RPS7: variants seen among roughly 807,000 people sequenced by gnomAD.
The protein encoded by RPS7 is ribosomal protein S7.
Under a neutral mutation model 22.1 loss-of-function variants are expected in RPS7, and 1 was observed. The ratio of observed to expected loss-of-function variants is 0.05; its 90% CI spans 0.02 to 0.21. RPS7 has a LOEUF of 0.21. Ranked by LOEUF, RPS7 falls within the 10% of genes least tolerant of loss-of-function variation. The probability of loss-of-function intolerance (pLI) is 1.00; values close to 1 mark genes in which losing one functional copy is unlikely to be tolerated. For missense variants in RPS7, 137 were observed against 246.4 expected, an observed-to-expected ratio of 0.56 and a Z score of 2.97; for synonymous variants, 80 against 92.0, an observed-to-expected ratio of 0.87 and a Z score of 0.74.
intron 4 of RPS7, chr2:3,577,390 C>G (rs141167157): frequency 1.0e-3 from 333 of 328,516 alleles, no homozygotes; most frequent in African/African-American, 6.7e-3. Context: ...AAACTGAAGT[C>G]TATGGGGAAT....
intron 3 of RPS7, 81 bp downstream of exon 3, chr2:3,575,969 A>C: frequency 9.7e-7 from 1 of 1,033,196 alleles, no homozygotes; most frequent in Admixed American, 2.0e-5. Context: ...GACCTGGGTT[A>C]CGGTTGATGA....
intron 3 of RPS7, chr2:3,576,122 G>A (rs1661273122): frequency 1.6e-6 from 1 of 609,182 alleles, no homozygotes; most frequent in Non-Finnish European, 2.9e-6. Context: ...ACGTGGAGTA[G>A]GGAGGGCCTG....
chr2:3,580,005 G>T, intron 5 of RPS7, 105 bp from the exon 6 acceptor site: 1 of 1,054,488 alleles, frequency 9.5e-7, no homozygotes, highest in Non-Finnish European at 1.5e-6. Context: ...TTTGACTTCA[G>T]GAACCTGGGA....
chr2:3,579,396 T>G (rs1661351284), intron 5 of RPS7: 1 of 152,610 alleles, frequency 6.6e-6, no homozygotes, highest in Non-Finnish European at 1.5e-5. Flanking sequence ...AGATAGGAAA[T>G]CCAAATGAGT....
Position 3,576,501 on chromosome 2 carries a change from T to G in RPS7, c.162T>G (p.Gly54=). Residue 54 remains glycine, a synonymous_variant, in exon 4 of 7, where the codon GGT becomes GGG. Coordinates refer to ENST00000645674, the MANE Select transcript of RPS7 (RefSeq NM_001011.4). The part of the protein sequence containing the change: ...NITAAKEIEV[G]GGRKAIIIFV... ...TTTTTCTTTAGGAAATTGAAGTTGG[T>G]GGTGGTCGGAAAGCTATCATAATCT... 6.2e-7 allele frequency: 1 copy of G among 1,613,928 alleles called. No homozygotes were observed. Among genetic ancestry groups the G allele is most frequent in the Non-Finnish European group, 8.5e-7 (1 of 1,179,836 alleles).
Position 3,580,868 on chromosome 2 carries a change from G to C in RPS7, c.571G>C (p.Glu191Gln). The change falls in exon 7 of 7, where the codon GAG (glutamate) becomes CAG (glutamine). Residue 191 changes from glutamate to glutamine, a missense_variant. Glu to Gln is a conservative substitution (Grantham distance 29). Coordinates refer to ENST00000645674, the MANE Select transcript of RPS7 (RefSeq NM_001011.4). ...TGKDVNFEFPEFQL is the reference protein window; with the variant it reads ...TGKDVNFEFPQFQL ...CAAGGATGTTAATTTTGAATTCCCA[G>C]AGTTTCAATTGTAAACAAAAATGAC... 6.4e-7 allele frequency: 1 copy of C among 1,553,626 alleles called. No homozygotes were observed. Among genetic ancestry groups the C allele is most frequent in the Non-Finnish European group, 8.9e-7 (1 of 1,128,830 alleles).
intron 1 of RPS7, 26 bp from the exon 2 acceptor site, chr2:3,575,566 C>T (rs771682421): frequency 1.9e-6 from 3 of 1,556,276 alleles, no homozygotes; most frequent in South Asian, 1.1e-5. Context: ...GCCCGGGCCG[C>T]GTAACGCTGA....
intron 5 of RPS7, chr2:3,579,840 C>T: frequency 1.8e-6 from 1 of 552,714 alleles, no homozygotes. Flanking sequence ...GATGGTCACT[C>T]ATTGCCTTGG....
rs1266534280 is a variant in RPS7 at position 3,580,777 on chromosome 2, C to T, written c.508-28C>T. 4.3e-6 allele frequency: 6 copies of T among 1,393,242 alleles called. No individual in the cohort carries two copies. In the Admixed American group the frequency reaches 1.0e-4, roughly 23 times the overall value. The allele number at this position is 1,393,242 out of a possible 1,614,324, so 86.3% of individuals were successfully genotyped here. ...TAAGCTGAGTGTGTATTTCAAAGTT[C>T]TGTGATGAATTCTTTCTTTTCTTGT... On this transcript the variant is annotated intron_variant, in intron 6 of 6. Coordinates refer to ENST00000645674, the MANE Select transcript of RPS7 (RefSeq NM_001011.4).
Position 3,575,633 on chromosome 2 carries a change from C to T in RPS7, c.24C>T (p.Ile8=), listed in dbSNP as rs568240834. 4.3e-6 allele frequency: 7 copies of T among 1,611,188 alleles called. No individual in the cohort carries two copies. The Admixed American group carries it at 1.0e-4, about 23-fold the overall frequency. ...CCATGTTCAGTTCGAGCGCCAAGAT[C>T]GTGAAGCCCAATGGCGAGAAGCCGG... MFSSSAK[I]VKPNGEKPDE... is the part of the protein sequence containing the mutation. The change falls in exon 2 of 7, where the codon ATC becomes ATT. Residue 8 remains isoleucine, a synonymous_variant. Coordinates refer to ENST00000645674, the MANE Select transcript of RPS7 (RefSeq NM_001011.4).
rs1413855518 is a variant in RPS7 at position 3,575,698 on chromosome 2, C to T, written c.75+14C>T. On this transcript the variant is annotated intron_variant, in intron 2 of 6. Coordinates refer to ENST00000645674, the MANE Select transcript of RPS7 (RefSeq NM_001011.4). ...GGCATCTCCCAGGTGAGAGGGTTTC[C>T]CTGGGGTCTGGGGTGGGGGGAGGCG... is the stretch of plus-strand genomic sequence containing the variant. The T allele has an allele frequency of 6.2e-7, 1 of 1,610,716 alleles. No individual in the cohort carries two copies. The highest frequency in any genetic ancestry group is 8.5e-7 in the Non-Finnish European group (1 of 1,178,664).
intron 3 of RPS7, 198 bp downstream of exon 3, chr2:3,576,086 G>GCTGT (rs1385743555): frequency 4.7e-6 from 3 of 637,744 alleles, no homozygotes; most frequent in African/African-American, 1.8e-5. Context: ...TGCGGCTTAA[G>GCTGT]CTGTCCACAT....
chr2:3,575,842 C>A lies in RPS7; in HGVS notation c.101C>A (p.Ser34Ter). 1 of 1,611,970 alleles carries A rather than the reference C, an allele frequency of 6.2e-7. No homozygotes were observed. Among genetic ancestry groups the A allele is most frequent in the Middle Eastern group, 2.1e-4 (1 of 4,708 alleles). ...GCTCTTCTGGAGCTGGAGATGAACTCGGACCTCAAGGCTCAGCTCAGGGAG... is the reference window on the plus strand; with the variant it reads ...GCTCTTCTGGAGCTGGAGATGAACTAGGACCTCAAGGCTCAGCTCAGGGAG... Reference protein sequence around the residue: ...SQALLELEMNSDLKAQLRELN... With the variant: ...SQALLELEMN The change falls in exon 3 of 7, where the codon TCG (serine) becomes TAG (stop). Residue 34 changes from serine to a stop codon, truncating the protein, a stop_gained. Coordinates refer to ENST00000645674, the MANE Select transcript of RPS7 (RefSeq NM_001011.4). LOFTEE classifies it high-confidence loss of function.
At chr2:3,578,170 G>T (rs542900786) in intron 5 of RPS7, 68 of 177,922 alleles carry the variant, frequency 3.8e-4, no homozygotes, top group African/African-American at 1.5e-3. Context: ...GGATTTTGGT[G>T]ATAACATCAC....
intron 5 of RPS7, chr2:3,579,560 A>G (rs1405728319): frequency 1.1e-5 from 2 of 174,914 alleles, no homozygotes; most frequent in African/African-American, 4.8e-5. Context: ...CTTGCAATTA[A>G]TTGAAACTTC....
chr2:3,576,849 A>G (rs1268475980), intron 4 of RPS7: 50 of 651,548 alleles, frequency 7.7e-5, no homozygotes, highest in Non-Finnish European at 1.2e-4. Context: ...CCTGGGCAAC[A>G]TGGTAAGACC....
At chr2:3,576,781 T>A in intron 4 of RPS7, 151 bp downstream of exon 4, 1 of 1,005,760 alleles carries the variant, frequency 9.9e-7, no homozygotes, top group Non-Finnish European at 1.6e-6. Context: ...GCGCCGTGGC[T>A]TAGGCCTGTA....
chr2:3,577,809 C>T (rs1028801485), intron 5 of RPS7, 35 bp downstream of exon 5: 34 of 1,334,484 alleles, frequency 2.5e-5, no homozygotes, highest in Middle Eastern at 1.8e-4. Flanking sequence ...ATGTGTGTAC[C>T]CCTCTTATTA....
intron 6 of RPS7, 67 bp from the exon 7 acceptor site, chr2:3,580,738 A>G (rs1211639432): frequency 8.0e-6 from 8 of 1,003,086 alleles, no homozygotes; most frequent in Non-Finnish European, 1.3e-5. Flanking sequence ...CAATTTCACG[A>G]AACTATTAGG....
Sources: gnomAD v4.1 joint callset for allele counts on GRCh38, gnomAD v4.1.1 for gene constraint, MANE v1.5 for transcripts, NCBI Gene and HGNC (gene_info 2026-07-23, HGNC 2026-07-21) for gene names.